EPN2: variants seen among roughly 807,000 people sequenced by gnomAD.
The protein encoded by EPN2 is epsin 2.
A neutral mutation model predicts 61.7 loss-of-function variants in EPN2; 34 were observed. The ratio of observed to expected loss-of-function variants is 0.55; its 90% CI spans 0.42 to 0.73. The LOEUF is 0.73. Among genes scored for constraint, EPN2 ranks in the 30% least tolerant of loss-of-function variants. The probability of loss-of-function intolerance (pLI) is 0.00; values close to 1 mark genes in which losing one functional copy is unlikely to be tolerated. For missense variants in EPN2, 714 were observed against 839.2 expected (o/e 0.85, Z 1.84); for synonymous variants, 349 against 353.6 (o/e 0.99, Z 0.15).
intron 1 of EPN2, among the ~76,000 whole-genome samples, chr17:19,267,148 A>C (rs1293794290): frequency 6.6e-6 from 1 of 151,856 alleles, no homozygotes; most frequent in Non-Finnish European, 1.5e-5. Flanking sequence ...CTAAATGTTC[A>C]CATATTATTT....
At chr17:19,293,692 C>T (rs911904215) in intron 4 of EPN2, among the ~76,000 whole-genome samples, 2 of 152,102 alleles carry the variant, frequency 1.3e-5, no homozygotes, top group African/African-American at 4.8e-5. Context: ...CAAGCCACCA[C>T]ACTCAGCCAG....
At chr17:19,258,320 A>G (rs1036121994) in intron 1 of EPN2, among the ~76,000 whole-genome samples, 2 of 152,194 alleles carry the variant, frequency 1.3e-5, no homozygotes, top group Non-Finnish European at 2.9e-5. Context: ...CAGTCTCCCC[A>G]TCTATGATAT....
At chr17:19,328,039 T>G (rs1184960528) in intron 7 of EPN2, among the ~76,000 whole-genome samples, 15 of 152,244 alleles carry the variant, frequency 9.9e-5, no homozygotes, top group Admixed American at 9.2e-4. Context: ...TTTAGTTTTT[T>G]TGTGTGTGTT....
intron 1 of EPN2, chr17:19,274,046 G>A (rs1183686242): frequency 6.6e-6 from 1 of 152,144 alleles, no homozygotes; most frequent in African/African-American, 2.4e-5. Flanking sequence ...CCTTTTCTCC[G>A]GTAGGAAGAT....
rs551551394 is a variant in EPN2 at position 19,291,735 on chromosome 17, C to T, written c.766+5945C>T. On this transcript the variant is annotated intron_variant, in intron 4 of 10. Transcript: ENST00000314728. ...AATTACAGGCGTGAGCCATCGCGCC[C>T]GGCCTCATTCTTAAACCCAATGGGG... Among the ~76,000 whole-genome samples, 4 of 152,322 alleles carry T rather than the reference C, an allele frequency of 2.6e-5. No individual in the cohort carries two copies. In the South Asian group the frequency reaches 6.2e-4, roughly 24 times the overall value.
At chr17:19,291,143 G>A (rs981565456) in intron 4 of EPN2, among the ~76,000 whole-genome samples, 2 of 152,232 alleles carry the variant, frequency 1.3e-5, no homozygotes, top group African/African-American at 4.8e-5. Flanking sequence ...GGAAAACAGA[G>A]GTGAGAAAGA....
At chr17:19,306,589 A>G (rs1444897210) in intron 4 of EPN2, among the ~76,000 whole-genome samples, 2 of 152,194 alleles carry the variant, frequency 1.3e-5, no homozygotes, top group Non-Finnish European at 2.9e-5. Context: ...AAACATGTAC[A>G]TTTGCATTTG....
At chr17:19,259,811 A>G (rs781607279) in intron 1 of EPN2, among the ~76,000 whole-genome samples, 23 of 152,296 alleles carry the variant, frequency 1.5e-4, no homozygotes, top group Middle Eastern at 3.4e-3. Context: ...CTCGCTCCTA[A>G]ATGCCCGGAG....
At chr17:19,333,265 G>A (rs1483378710) in intron 10 of EPN2, among the ~76,000 whole-genome samples, 1 of 152,178 alleles carries the variant, frequency 6.6e-6, no homozygotes, top group Non-Finnish European at 1.5e-5. Flanking sequence ...CTGGAGGCCT[G>A]AGGCAGCTTT....
Position 19,334,793 on chromosome 17 carries a change from G to C in EPN2, c.*539G>C, listed in dbSNP as rs977531740. The C allele has an allele frequency of 6.5e-6, 1 of 153,038 alleles. No individual in the cohort carries two copies. Among genetic ancestry groups the C allele is most frequent in the African/African-American group, 2.4e-5 (1 of 41,442 alleles). The allele number at this position is 153,038 out of a possible 1,614,324, so 9.5% of individuals were successfully genotyped here. On this transcript the variant is annotated 3_prime_UTR_variant, in exon 11 of 11. Transcript: ENST00000314728. The surrounding 1 kb of genome is among the most constrained non-coding windows in gnomAD (Gnocchi z 4.9). The stretch of plus-strand genomic sequence containing the variant: ...GACAACTCTTGAATTAAATCCACTA[G>C]AGCGAGCTTTAAAACTAATCTGAGC...
chr17:19,254,707 G>T (rs148928934), intron 1 of EPN2, among the ~76,000 whole-genome samples: 1 of 152,080 alleles, frequency 6.6e-6, no homozygotes, highest in Non-Finnish European at 1.5e-5. Context: ...GAGGTTTGAG[G>T]ATGAGTAGTG....
chr17:19,334,039 C>A lies in EPN2; in HGVS notation c.1711C>A (p.Pro571Thr). 6.2e-7 allele frequency: 1 copy of A among 1,606,436 alleles called. No homozygotes were observed. Among genetic ancestry groups the A allele is most frequent in the Non-Finnish European group, 8.5e-7 (1 of 1,175,382 alleles). ...GACACTGAACCAGCTTCGGGGGAGC[C>A]CAGTCCTGGGGACCAGCACATCCTT... ...PLTLNQLRGS[P>T]VLGTSTSFGP... The change falls in exon 11 of 11, where the codon CCA becomes ACA. Residue 571 changes from proline (P) to threonine (T), a missense_variant. Transcript: ENST00000314728. The surrounding 1 kb of genome is among the most constrained non-coding windows in gnomAD (Gnocchi z 4.9).
intron 4 of EPN2, among the ~76,000 whole-genome samples, chr17:19,298,275 A>G (rs1470206984): frequency 2.0e-5 from 3 of 151,730 alleles, no homozygotes; most frequent in African/African-American, 4.8e-5. Flanking sequence ...GCTCACTGCA[A>G]CCTCCGCCCC....
At chr17:19,306,918 C>G in intron 4 of EPN2, among the ~76,000 whole-genome samples, 1 of 152,242 alleles carries the variant, frequency 6.6e-6, no homozygotes, top group Non-Finnish European at 1.5e-5. Flanking sequence ...CTCAGAGATT[C>G]CTTATCAGGA....
intron 4 of EPN2, among the ~76,000 whole-genome samples, chr17:19,305,126 T>G (rs9895997): frequency 0.94 from 136,572 of 145,068 alleles, 64,392 homozygotes; most frequent in African/African-American, 0.97. Flanking sequence ...GGTTTTTTTT[T>G]TTTTTTTTTT....
At position 19,283,288 on chromosome 17, in the gene EPN2, A is replaced by G. The variant is rs1223490841; in HGVS notation, c.169A>G (p.Met57Val). The change falls in exon 3 of 11, where the codon ATG (methionine) becomes GTG (valine). Residue 57 changes from methionine to valine, a missense_variant. Met to Val is a conservative substitution (Grantham distance 21, BLOSUM62 1). Coordinates refer to ENST00000314728, the MANE Select transcript of EPN2 (RefSeq NM_014964.5). This position sits in a 1 kb window ranked among gnomAD's most constrained non-coding sequence, Gnocchi z 7.0. ...CAACGTGGTGGCCTTCTCGGAGATC[A>G]TGAGCATGGTGTGGAAGCGGCTGAA... The part of the protein sequence containing the change: ...TYNVVAFSEI[M>V]SMVWKRLNDH... 3 of 1,614,144 alleles carry G rather than the reference A, an allele frequency of 1.9e-6. No individual in the cohort carries two copies. The highest frequency in any genetic ancestry group is 2.5e-6 in the Non-Finnish European group (3 of 1,180,024).
Position 19,335,273 on chromosome 17 carries a change from G to A in EPN2, c.*1019G>A. The A allele has an allele frequency of 1.2e-6, 1 of 847,906 alleles. No individual in the cohort carries two copies. The highest frequency in any genetic ancestry group is 2.3e-5 in the South Asian group (1 of 43,200). 52.5% of individuals were successfully genotyped at this position (847,906 alleles called of 1,614,324 possible). ...GAATTACTAAACTGATTGACTTTCA[G>A]CCTTTTTGGCTAGATCCTGAGAGGC... On this transcript the variant is annotated 3_prime_UTR_variant, in exon 11 of 11. Coordinates refer to ENST00000314728, the MANE Select transcript of EPN2 (RefSeq NM_014964.5).
At chr17:19,327,545 T>C (rs1906938144) in intron 7 of EPN2, among the ~76,000 whole-genome samples, 1 of 151,994 alleles carries the variant, frequency 6.6e-6, no homozygotes, top group Admixed American at 6.6e-5. Context: ...CGTGGTGACA[T>C]TCCTGTAGTC....
At chr17:19,289,389 T>G (rs1291769017) in intron 4 of EPN2, among the ~76,000 whole-genome samples, 2 of 151,778 alleles carry the variant, frequency 1.3e-5, no homozygotes, top group Non-Finnish European at 2.9e-5. Context: ...TGGACGATTC[T>G]GGGTATGTTT....
Sources: allele counts gnomAD v4.1 joint callset (sites outside exome capture counted in the v4.1 genomes callset), GRCh38; gene constraint gnomAD v4.1.1; non-coding constraint Gnocchi (gnomAD v3.1); transcripts MANE v1.5; gene names NCBI Gene and HGNC (gene_info 2026-07-23, HGNC 2026-07-21).